The following ARHGAP5 variants were observed in gnomAD, a reference collection of about 807,000 sequenced individuals.
ARHGAP5 encodes rho GTPase-activating protein 5.
Under a neutral mutation model 116.6 loss-of-function variants are expected in ARHGAP5, and 23 were observed. The observed-to-expected ratio is 0.20, with a 90% CI of 0.14 to 0.28. The LOEUF is 0.28. Among genes scored for constraint, ARHGAP5 ranks in the 10% least tolerant of loss-of-function variants. ARHGAP5 has a pLI of 1.00. For missense variants in ARHGAP5, 1,405 were observed against 1,774.8 expected, an observed-to-expected ratio of 0.79 and a Z score of 3.74; for synonymous variants, 574 against 602.0, an observed-to-expected ratio of 0.95 and a Z score of 0.68.
intron 2 of ARHGAP5, among the ~76,000 whole-genome samples, chr14:32,097,916 C>A (rs1372091377): frequency 1.3e-5 from 2 of 152,056 alleles, no homozygotes; most frequent in Non-Finnish European, 2.9e-5. Flanking sequence ...TAATGTGTAA[C>A]CTCTGTATTG....
At chr14:32,118,271 G>T (rs1879707057) in intron 3 of ARHGAP5, among the ~76,000 whole-genome samples, 1 of 152,174 alleles carries the variant, frequency 6.6e-6, no homozygotes, top group Non-Finnish European at 1.5e-5. Flanking sequence ...GGCTGAGGCA[G>T]TCGGATCACA....
intron 1 of ARHGAP5, among the ~76,000 whole-genome samples, chr14:32,087,153 G>C (rs2041837633): frequency 6.6e-6 from 1 of 151,790 alleles, no homozygotes; most frequent in Non-Finnish European, 1.5e-5. Flanking sequence ...TGAAGACACT[G>C]GGCATTAGTT....
At chr14:32,124,565 T>C (rs996425277) in intron 3 of ARHGAP5, among the ~76,000 whole-genome samples, 3 of 152,098 alleles carry the variant, frequency 2.0e-5, no homozygotes, top group Non-Finnish European at 4.4e-5. Context: ...CTGATAGATA[T>C]TGGGTTGAAA....
Position 32,093,831 on chromosome 14 carries a change from C to G in ARHGAP5, c.3162C>G (p.Leu1054=), listed in dbSNP as rs779832794. 1 of 1,613,154 alleles carries G rather than the reference C, an allele frequency of 6.2e-7. No homozygotes were observed. Among genetic ancestry groups the G allele is most frequent in the Non-Finnish European group, 8.5e-7 (1 of 1,179,786 alleles). Residue 1054 remains leucine, a synonymous_variant, in exon 2 of 7, where the codon CTC becomes CTG. Coordinates refer to ENST00000345122, the MANE Select transcript of ARHGAP5 (RefSeq NM_001030055.2). The part of the protein sequence containing the change: ...PVVPKTNVKK[L]DPNLLKTIEA... ...TACCTAAGACAAATGTGAAAAAACT[C>G]GATCCAAACCTTTTAAAAACAATTG...
intron 3 of ARHGAP5, among the ~76,000 whole-genome samples, chr14:32,117,882 A>C (rs1415379367): frequency 6.6e-6 from 1 of 152,228 alleles, no homozygotes; most frequent in Non-Finnish European, 1.5e-5. Context: ...TAAACAAAAT[A>C]GGCAAGTTAA....
Position 32,093,353 on chromosome 14 carries a change from A to C in ARHGAP5, c.2684A>C (p.Glu895Ala). 6.2e-7 allele frequency: 1 copy of C among 1,614,030 alleles called. No homozygotes were observed. The highest frequency in any genetic ancestry group is 8.5e-7 in the Non-Finnish European group (1 of 1,179,952). The change falls in exon 2 of 7, where the codon GAG becomes GCG. Residue 895 changes from glutamate to alanine, a missense_variant. Physicochemically the swap from Glu to Ala is moderately radical, Grantham distance 107. Transcript: ENST00000345122. ...TDSQADFFEN[E>A]AIKELMTEGE... ...AGCCAAGCAGATTTTTTTGAAAATG[A>C]GGCTATCAAAGAGTTAATGACTGAA...
intron 1 of ARHGAP5, among the ~76,000 whole-genome samples, chr14:32,088,521 C>T (rs565726282): frequency 6.6e-6 from 1 of 151,914 alleles, no homozygotes; most frequent in Admixed American, 6.6e-5. Flanking sequence ...ATGTTTTCTT[C>T]TCTGTAAATA....
At chr14:32,082,451 A>G (rs2041786637) in intron 1 of ARHGAP5, among the ~76,000 whole-genome samples, 1 of 152,212 alleles carries the variant, frequency 6.6e-6, no homozygotes, top group South Asian at 2.1e-4. Context: ...GTTTTTCATT[A>G]AGAAACACTG....
At chr14:32,111,731 AATTAT>A (rs1393083150) in intron 2 of ARHGAP5, among the ~76,000 whole-genome samples, 1 of 152,012 alleles carries the variant, frequency 6.6e-6, no homozygotes, top group Non-Finnish European at 1.5e-5. Flanking sequence ...TGATCTTTTC[AATTAT>A]ATTGAATCTT....
chr14:32,142,597 T>C (rs1450540145), intron 3 of ARHGAP5, among the ~76,000 whole-genome samples: 1 of 152,192 alleles, frequency 6.6e-6, no homozygotes, highest in Non-Finnish European at 1.5e-5. Context: ...GGCAAGCCCT[T>C]GTGCCTTCCC....
chr14:32,100,535 T>C (rs1009826839), intron 2 of ARHGAP5, among the ~76,000 whole-genome samples: 1 of 152,202 alleles, frequency 6.6e-6, no homozygotes, highest in African/African-American at 2.4e-5. Flanking sequence ...AGCAACTGTT[T>C]ACACAGCATT....
intron 3 of ARHGAP5, among the ~76,000 whole-genome samples, chr14:32,132,831 A>G (rs1880576400): frequency 6.6e-6 from 1 of 152,168 alleles, no homozygotes; most frequent in East Asian, 1.9e-4. Flanking sequence ...AGCACCATTT[A>G]TTAAATAGGG....
At chr14:32,112,433 T>G (rs948327733) in intron 2 of ARHGAP5, among the ~76,000 whole-genome samples, 1 of 152,204 alleles carries the variant, frequency 6.6e-6, no homozygotes, top group Non-Finnish European at 1.5e-5. Flanking sequence ...TGTTGGACAC[T>G]TAAAGAGATG....
rs140555863 is a variant in ARHGAP5 at position 32,113,674 on chromosome 14, A to T, written c.3718-3466A>T. On this transcript the variant is annotated intron_variant, in intron 2 of 6. Coordinates refer to ENST00000345122, the MANE Select transcript of ARHGAP5 (RefSeq NM_001030055.2). ...TTAAGTATTCAGGGCTGTCTGGATAAGGTTGAGACTTCACTTTTTCCTCTT... is the reference window on the plus strand; with the variant it reads ...TTAAGTATTCAGGGCTGTCTGGATATGGTTGAGACTTCACTTTTTCCTCTT... Among the ~76,000 whole-genome samples, 281 of 152,338 alleles carry T rather than the reference A, an allele frequency of 1.8e-3. 1 individual carries two copies. Among genetic ancestry groups the T allele is most frequent in the African/African-American group, 6.5e-3 (270 of 41,582 alleles).
intron 3 of ARHGAP5, among the ~76,000 whole-genome samples, chr14:32,143,698 T>G (rs1314185588): frequency 6.6e-6 from 1 of 152,230 alleles, no homozygotes; most frequent in African/African-American, 2.4e-5. Flanking sequence ...CTGGATAATT[T>G]AGTCTGTTTT....
At chr14:32,135,833 G>A (rs764289790) in intron 3 of ARHGAP5, among the ~76,000 whole-genome samples, 23 of 152,332 alleles carry the variant, frequency 1.5e-4, no homozygotes, top group Non-Finnish European at 3.1e-4. Flanking sequence ...AGTGAGCATA[G>A]TGCCTAGTTA....
intron 3 of ARHGAP5, among the ~76,000 whole-genome samples, chr14:32,130,759 C>T: frequency 6.6e-6 from 1 of 151,604 alleles, no homozygotes; most frequent in East Asian, 2.0e-4. Flanking sequence ...TCTCAAACTC[C>T]TGGCCTTGTG....
intron 6 of ARHGAP5, chr14:32,153,931 A>G (rs946458188): frequency 1.3e-5 from 2 of 151,620 alleles, no homozygotes; most frequent in Non-Finnish European, 1.5e-5. Flanking sequence ...AGAGAGAGGA[A>G]AAAAAAAGAG....
In ARHGAP5 at chr14:32,092,932, G is replaced by C; in HGVS notation, c.2263G>C (p.Glu755Gln). ...QIKQALRGVLESVKHNLDVVS... is the reference protein window; with the variant it reads ...QIKQALRGVLQSVKHNLDVVS... ...AAAGCAAGCTCTCAGAGGAGTATTG[G>C]AATCAGTTAAACACAATTTGGATGT... Residue 755 changes from glutamate (E) to glutamine (Q), a missense_variant, in exon 2 of 7, where the codon GAA (glutamate) becomes CAA (glutamine). By Grantham distance (29) the Glu-to-Gln change is conservative. Around this residue, in one of 6 missense-constraint regions of ARHGAP5, gnomAD observed 944 missense variants for 1,095.3 expected, o/e 0.86. Transcript: ENST00000345122. This position sits in a 1 kb window ranked among gnomAD's most constrained non-coding sequence, Gnocchi z 4.1. The C allele has an allele frequency of 1.2e-6, 2 of 1,613,928 alleles. No homozygotes were observed. Among genetic ancestry groups the C allele is most frequent in the Non-Finnish European group, 8.5e-7 (1 of 1,179,922 alleles).
Sources: gnomAD v4.1 joint callset for allele counts (sites outside exome capture counted in the v4.1 genomes callset) on GRCh38, gnomAD v4.1.1 for gene constraint, gnomAD v4.1.1 regional missense constraint, Gnocchi (gnomAD v3.1) non-coding constraint, MANE v1.5 for transcripts, NCBI Gene and HGNC (gene_info 2026-07-23, HGNC 2026-07-21) for gene names.